Variants in RAB38 observed in about 807,000 individuals in gnomAD.
The protein encoded by RAB38 is ras-related protein Rab-38.
A neutral mutation model predicts 18.4 loss-of-function variants in RAB38; 15 were observed. The observed-to-expected ratio is 0.82, with a 90% confidence interval of 0.55 to 1.26. RAB38 has a LOEUF of 1.26. RAB38 is among the 50% of genes most tolerant of loss of function. The probability of loss-of-function intolerance (pLI) is 0.00; values close to 1 mark genes in which losing one functional copy is unlikely to be tolerated. For missense variants in RAB38, 294 were observed against 267.4 expected, an observed-to-expected ratio of 1.10 and a Z score of -0.69; for synonymous variants, 101 against 104.4, an observed-to-expected ratio of 0.97 and a Z score of 0.20.
At chr11:88,005,055 C>G in the RAB38 span, among the ~76,000 whole-genome samples, 4 of 151,028 alleles carry the variant, frequency 2.6e-5, no homozygotes, top group African/African-American at 9.7e-5. Flanking sequence ...AAATTTTCCC[C>G]AAAGCAATTG....
chr11:88,174,319 T>C (rs1943349115), intron 1 of RAB38, among the ~76,000 whole-genome samples: 1 of 152,158 alleles, frequency 6.6e-6, no homozygotes, highest in African/African-American at 2.4e-5. Context: ...CCCTCACTTT[T>C]GACTAGGCCT....
At chr11:88,087,884 G>A in the RAB38 span, among the ~76,000 whole-genome samples, 1 of 151,812 alleles carries the variant, frequency 6.6e-6, no homozygotes, top group Admixed American at 6.6e-5. Flanking sequence ...TGGTCAGCAG[G>A]GTTGTGACTA....
chr11:87,850,362 A>G, the RAB38 span, among the ~76,000 whole-genome samples: 2 of 152,070 alleles, frequency 1.3e-5, no homozygotes, highest in African/African-American at 2.4e-5. Context: ...CAATTTGAAA[A>G]CTAATCTTTC....
chr11:88,043,536 T>C, the RAB38 span, among the ~76,000 whole-genome samples: 1 of 151,984 alleles, frequency 6.6e-6, no homozygotes, highest in Non-Finnish European at 1.5e-5. Flanking sequence ...ACTGAGGACA[T>C]TACCTTGTGA....
chr11:87,947,876 G>C, the RAB38 span, among the ~76,000 whole-genome samples: 2 of 152,178 alleles, frequency 1.3e-5, no homozygotes, highest in African/African-American at 4.8e-5. Context: ...TGGCAATGCA[G>C]TCTCTTTTTT....
the RAB38 span, among the ~76,000 whole-genome samples, chr11:87,804,226 CTTTA>C: frequency 6.6e-6 from 1 of 152,106 alleles, no homozygotes; most frequent in African/African-American, 2.4e-5. Context: ...TTTTTACTTT[CTTTA>C]CTTTCTACCT....
At chr11:87,854,340 A>G in the RAB38 span, among the ~76,000 whole-genome samples, 1 of 152,164 alleles carries the variant, frequency 6.6e-6, no homozygotes, top group African/African-American at 2.4e-5. Flanking sequence ...TATTTTGTTA[A>G]TTGTGCACAC....
the RAB38 span, among the ~76,000 whole-genome samples, chr11:87,880,334 C>T: frequency 6.6e-6 from 1 of 151,810 alleles, no homozygotes; most frequent in Non-Finnish European, 1.5e-5. Context: ...GAGTCCTGGC[C>T]ACAACATGCT....
At chr11:88,085,581 A>G in the RAB38 span, among the ~76,000 whole-genome samples, 1 of 152,076 alleles carries the variant, frequency 6.6e-6, no homozygotes, top group African/African-American at 2.4e-5. Context: ...TTATATTTTT[A>G]AGAAAATAGT....
the RAB38 span, among the ~76,000 whole-genome samples, chr11:88,107,859 C>T: frequency 0.074 from 11,226 of 152,056 alleles, 714 homozygotes; most frequent in African/African-American, 0.17. Flanking sequence ...TTTATTTCTA[C>T]CTTAATTTCG....
chr11:88,107,152 G>A, the RAB38 span, among the ~76,000 whole-genome samples: 3 of 151,938 alleles, frequency 2.0e-5, no homozygotes, highest in Admixed American at 2.0e-4. Context: ...GCATACCACA[G>A]ATTTTGCCCA....
At chr11:87,957,466 C>T in the RAB38 span, among the ~76,000 whole-genome samples, 1 of 151,926 alleles carries the variant, frequency 6.6e-6, no homozygotes, top group Non-Finnish European at 1.5e-5. Flanking sequence ...AAACTGTGTG[C>T]TTTTATTCTA....
chr11:87,847,880 G>T, the RAB38 span, among the ~76,000 whole-genome samples: 1 of 152,058 alleles, frequency 6.6e-6, no homozygotes, highest in South Asian at 2.1e-4. Context: ...TTCCTGTAAG[G>T]AATATAATAT....
At chr11:87,930,702 C>A in the RAB38 span, among the ~76,000 whole-genome samples, 1 of 151,902 alleles carries the variant, frequency 6.6e-6, no homozygotes, top group South Asian at 2.1e-4. Flanking sequence ...GTTTGAGGTC[C>A]AATGTTTAAG....
chr11:87,890,343 T>G, the RAB38 span, among the ~76,000 whole-genome samples: 1 of 151,864 alleles, frequency 6.6e-6, no homozygotes, highest in Admixed American at 6.6e-5. Context: ...AACCTCTGTT[T>G]CCTTCCAGAA....
the RAB38 span, among the ~76,000 whole-genome samples, chr11:87,821,283 G>A: frequency 6.6e-6 from 1 of 152,172 alleles, no homozygotes; most frequent in Non-Finnish European, 1.5e-5. Context: ...TTTTGCAGAA[G>A]CAACCACAGA....
the RAB38 span, among the ~76,000 whole-genome samples, chr11:87,806,258 G>T: frequency 1.1e-4 from 17 of 152,134 alleles, no homozygotes; most frequent in African/African-American, 4.1e-4. Context: ...GCTTGTAAAT[G>T]GGAGAAATTT....
chr11:87,976,384 T>C, the RAB38 span, among the ~76,000 whole-genome samples: 2 of 140,242 alleles, frequency 1.4e-5, no homozygotes, highest in African/African-American at 5.2e-5. Flanking sequence ...AATACAAATA[T>C]TTATATATAC....
At chr11:87,831,841 T>C in the RAB38 span, among the ~76,000 whole-genome samples, 1 of 152,188 alleles carries the variant, frequency 6.6e-6, no homozygotes, top group African/African-American at 2.4e-5. Flanking sequence ...AGAAAATGGA[T>C]TGCAGTAGAG....
Sources: allele counts gnomAD v4.1 joint callset (sites outside exome capture counted in the v4.1 genomes callset), GRCh38; gene constraint gnomAD v4.1.1; transcripts MANE v1.5; gene names NCBI Gene and HGNC (gene_info 2026-07-23, HGNC 2026-07-21).